The following ARPC5 variants were observed in gnomAD, a reference collection of about 807,000 sequenced individuals.
ARPC5 encodes the protein actin related protein 2/3 complex subunit 5.
In ARPC5, 5 loss-of-function variants were observed where a neutral mutation model predicts 15.4. The observed-to-expected ratio is 0.32, with a 90% CI of 0.17 to 0.68. The LOEUF is 0.68. Ranked by LOEUF, ARPC5 falls within the 30% of genes least tolerant of loss-of-function variation. ARPC5 has a pLI of 0.71. For synonymous variants in ARPC5, 85 were observed against 72.2 expected (o/e 1.18, Z -0.90); for missense variants, 138 against 192.8 (o/e 0.72, Z 1.68).
chr1:183,629,970 G>C (rs540933881), intron 3 of ARPC5, among the ~76,000 whole-genome samples: 1 of 152,248 alleles, frequency 6.6e-6, no homozygotes, highest in Non-Finnish European at 1.5e-5. Context: ...TTTCATATAA[G>C]TAAAATTATA....
Position 183,630,443 on chromosome 1 carries a change from T to A in ARPC5, c.393+18A>T, listed in dbSNP as rs753272358. ...TTGTAAAAGAACCAGTCATATAGAT[T>A]TATAATTCATAACTTACCTTTTCAT... On this transcript the variant is annotated intron_variant, in intron 3 of 3. Transcript: ENST00000359856. The A allele has an allele frequency of 1.3e-6, 2 of 1,573,850 alleles. No homozygotes were observed. The highest frequency in any genetic ancestry group is 1.2e-5 in the South Asian group (1 of 85,262).
At position 183,635,643 on chromosome 1, in the gene ARPC5, A is replaced by C; in HGVS notation, c.17T>G (p.Val6Gly). MSKNT[V>G]SSARFRKVDV... ...CACCTTCCGGAAGCGGGCCGACGACACTGTGTTCTTCGACATCCCAATCCC... is the reference window on the plus strand; with the variant it reads ...CACCTTCCGGAAGCGGGCCGACGACCCTGTGTTCTTCGACATCCCAATCCC... Residue 6 changes from valine (V) to glycine (G), a missense_variant, in exon 1 of 4, where the codon GTG becomes GGG. Transcript: ENST00000359856. 6.2e-7 allele frequency: 1 copy of C among 1,612,850 alleles called. No individual in the cohort carries two copies. Among genetic ancestry groups the C allele is most frequent in the Non-Finnish European group, 8.5e-7 (1 of 1,179,526 alleles).
intron 1 of ARPC5, chr1:183,633,433 T>A (rs1221962843): frequency 4.4e-6 from 1 of 227,752 alleles, no homozygotes; most frequent in African/African-American, 2.3e-5. Flanking sequence ...CCCAGTGAGA[T>A]ACATATGCAA....
chr1:183,624,657 GGATTAGTTCAAATTAAT>G lies in ARPC5; in HGVS notation c.*2858_*2874del, dbSNP rs1469773212. 2 of 152,044 alleles carry G rather than the reference GGATTAGTTCAAATTAAT, an allele frequency of 1.3e-5. No homozygotes were observed. Among genetic ancestry groups the G allele is most frequent in the African/African-American group, 4.8e-5 (2 of 41,316 alleles). 9.4% of individuals were successfully genotyped at this position (152,044 alleles called of 1,614,324 possible). ...CGTTTGTCCTTTCTGCCCCTCCAAA[GGATTAGTTCAAATTAAT>G]GTCTCACTTTAAATACTCTGATCCA... is the stretch of plus-strand genomic sequence containing the variant. On this transcript the variant is annotated 3_prime_UTR_variant, in exon 4 of 4. Coordinates refer to ENST00000359856, the MANE Select transcript of ARPC5 (RefSeq NM_005717.4).
Position 183,635,695 on chromosome 1 carries a change from C to T in ARPC5, c.-36G>A, listed in dbSNP as rs1157520894. ...ACCAGCGGCAAAGGCCTCTTCTTGG[C>T]GCTGCCTCTACCTCAGCAAGCCCAG... On this transcript the variant is annotated 5_prime_UTR_variant, in exon 1 of 4. Coordinates refer to ENST00000359856, the MANE Select transcript of ARPC5 (RefSeq NM_005717.4). The T allele has an allele frequency of 3.1e-6, 5 of 1,599,700 alleles. No homozygotes were observed. The highest frequency in any genetic ancestry group is 3.4e-5 in the Admixed American group (2 of 58,746).
rs1649039495 is a variant in ARPC5 at position 183,624,615 on chromosome 1, G to C, written c.*2917C>G. The C allele has an allele frequency of 6.6e-6, 1 of 152,308 alleles. No homozygotes were observed. The highest frequency in any genetic ancestry group is 2.1e-4 in the South Asian group (1 of 4,816). 9.4% of individuals were successfully genotyped at this position (152,308 alleles called of 1,614,324 possible). ...ACTTTTAACTTTCTCTTTCTACTCT[G>C]TTCATTTCACTTGGACCGTTTGTCC... On this transcript the variant is annotated 3_prime_UTR_variant, in exon 4 of 4. Transcript: ENST00000359856.
chr1:183,632,702 G>C (rs558277299), intron 2 of ARPC5: 1 of 157,104 alleles, frequency 6.4e-6, no homozygotes, highest in Non-Finnish European at 1.4e-5. Context: ...TCATATGTCT[G>C]AGCTTTCTAT....
Position 183,623,406 on chromosome 1 carries a change from G to A in ARPC5, c.*4126C>T. The stretch of plus-strand genomic sequence containing the variant: ...GGTGAAGTAGCACCACCTTGAGGCA[G>A]ATGACATGCTGTACCTCTGTGGGCT... On this transcript the variant is annotated 3_prime_UTR_variant, in exon 4 of 4. Transcript: ENST00000359856. 1.3e-6 allele frequency: 2 copies of A among 1,550,504 alleles called. No homozygotes were observed. Among genetic ancestry groups the A allele is most frequent in the Non-Finnish European group, 1.7e-6 (2 of 1,146,916 alleles).
chr1:183,633,735 T>G (rs1427029968), intron 1 of ARPC5: 1 of 150,728 alleles, frequency 6.6e-6, no homozygotes, highest in African/African-American at 2.5e-5. Flanking sequence ...CAGCTTAATT[T>G]TTTGCTTTAG....
intron 1 of ARPC5, among the ~76,000 whole-genome samples, chr1:183,634,717 A>G (rs1482322563): frequency 6.6e-6 from 1 of 152,200 alleles, no homozygotes; most frequent in Non-Finnish European, 1.5e-5. Context: ...CTTCTATCTT[A>G]TTCATTGGGG....
At position 183,625,969 on chromosome 1, in the gene ARPC5, T is replaced by C. The variant is rs1185108045; in HGVS notation, c.*1563A>G. Reference sequence around the variant, plus strand: ...TAGGTCTTTGGGCAGTGATACTACATATAGGTATTCAGCTGCCATCCAGAA... The same window carrying C: ...TAGGTCTTTGGGCAGTGATACTACACATAGGTATTCAGCTGCCATCCAGAA... On this transcript the variant is annotated 3_prime_UTR_variant, in exon 4 of 4. Transcript: ENST00000359856. The C allele has an allele frequency of 6.6e-6, 1 of 152,192 alleles. No individual in the cohort carries two copies. The highest frequency in any genetic ancestry group is 6.5e-5 in the Admixed American group (1 of 15,278). 9.4% of individuals were successfully genotyped at this position (152,192 alleles called of 1,614,324 possible).
At chr1:183,629,707 A>C (rs1649212483) in intron 3 of ARPC5, among the ~76,000 whole-genome samples, 1 of 152,230 alleles carries the variant, frequency 6.6e-6, no homozygotes. Context: ...CAAACTCCTA[A>C]TTCTTTAAAA....
Position 183,622,133 on chromosome 1 carries a change from T to C in ARPC5, c.*5399A>G, listed in dbSNP as rs1353513883. 1.3e-5 allele frequency: 2 copies of C among 152,192 alleles called. No individual in the cohort carries two copies. Among genetic ancestry groups the C allele is most frequent in the African/African-American group, 4.8e-5 (2 of 41,440 alleles). 9.4% of individuals were successfully genotyped at this position (152,192 alleles called of 1,614,324 possible). A position where few individuals can be genotyped will look rare whatever the true frequency, so the allele number is the denominator to read the frequency against. ...GTTAGTATTTATGTACACAAAGGGG[T>C]AAAATCTTATATAGGTATTTGCCTG... On this transcript the variant is annotated 3_prime_UTR_variant, in exon 4 of 4. Coordinates refer to ENST00000359856, the MANE Select transcript of ARPC5 (RefSeq NM_005717.4).
chr1:183,635,547 T>G lies in ARPC5; in HGVS notation c.113A>C (p.Asp38Ala). 1 of 1,612,972 alleles carries G rather than the reference T, an allele frequency of 6.2e-7. No homozygotes were observed. The highest frequency in any genetic ancestry group is 8.5e-7 in the Non-Finnish European group (1 of 1,179,700). Reference protein sequence around the residue: ...EDGGDGQAGPDEGEVDSCLRQ... With the variant: ...EDGGDGQAGPAEGEVDSCLRQ... ...CAGGCAGGAGTCCACCTCGCCCTCGTCGGGCCCGGCCTGGCCGTCGCCCCC... is the reference window on the plus strand; with the variant it reads ...CAGGCAGGAGTCCACCTCGCCCTCGGCGGGCCCGGCCTGGCCGTCGCCCCC... The change falls in exon 1 of 4, where the codon GAC becomes GCC. Residue 38 changes from aspartate (D) to alanine (A), a missense_variant. Physicochemically the swap from Asp to Ala is moderately radical, Grantham distance 126 (BLOSUM62 -2). Coordinates refer to ENST00000359856, the MANE Select transcript of ARPC5 (RefSeq NM_005717.4).
chr1:183,623,545 G>T lies in ARPC5; in HGVS notation c.*3987C>A. On this transcript the variant is annotated 3_prime_UTR_variant, in exon 4 of 4. Coordinates refer to ENST00000359856, the MANE Select transcript of ARPC5 (RefSeq NM_005717.4). ...CATTGGGGTGAGGGGGAGAGGGAGT[G>T]GGGCAGAGGTCCCGCGGCAGGAATA... is the stretch of plus-strand genomic sequence containing the variant. 1 of 1,547,496 alleles carries T rather than the reference G, an allele frequency of 6.5e-7. No individual in the cohort carries two copies. Among genetic ancestry groups the T allele is most frequent in the Non-Finnish European group, 8.7e-7 (1 of 1,144,716 alleles).
At chr1:183,630,802 G>A (rs1387127783) in intron 2 of ARPC5, 165 bp from the exon 3 acceptor site, 2 of 615,830 alleles carry the variant, frequency 3.2e-6, no homozygotes, top group African/African-American at 3.7e-5. Flanking sequence ...GGAAAGAACA[G>A]TGCTATTAGT....
rs1649002248 is a variant in ARPC5, at chr1:183,623,671, T to A, written c.*3861A>T. On this transcript the variant is annotated 3_prime_UTR_variant, in exon 4 of 4. Coordinates refer to ENST00000359856, the MANE Select transcript of ARPC5 (RefSeq NM_005717.4). The stretch of plus-strand genomic sequence containing the variant: ...TTCAATTATTTTGGTGCTTTTAACA[T>A]ATTTTGTCTGTAAGGGGATGTTAGT... 1.5e-6 allele frequency: 1 copy of A among 653,672 alleles called. No individual in the cohort carries two copies. The highest frequency in any genetic ancestry group is 2.6e-6 in the Non-Finnish European group (1 of 387,608). The allele number at this position is 653,672 out of a possible 1,614,324, so 40.5% of individuals were successfully genotyped here.
chr1:183,625,732 T>C lies in ARPC5; in HGVS notation c.*1800A>G, dbSNP rs1468471559. On this transcript the variant is annotated 3_prime_UTR_variant, in exon 4 of 4. Transcript: ENST00000359856. ...CCCATCTCTAAGTAATATTTAAGAATAATACCTATTGCTTAGCTTATCTTC... is the reference window on the plus strand; with the variant it reads ...CCCATCTCTAAGTAATATTTAAGAACAATACCTATTGCTTAGCTTATCTTC... 1 of 152,222 alleles carries C rather than the reference T, an allele frequency of 6.6e-6. No individual in the cohort carries two copies. Among genetic ancestry groups the C allele is most frequent in the African/African-American group, 2.4e-5 (1 of 41,442 alleles). 9.4% of individuals were successfully genotyped at this position (152,222 alleles called of 1,614,324 possible). A position where few individuals can be genotyped will look rare whatever the true frequency, so the allele number is the denominator to read the frequency against.
rs1035412580 is a variant in ARPC5 at position 183,622,018 on chromosome 1, A to G, written c.*5514T>C. On this transcript the variant is annotated 3_prime_UTR_variant, in exon 4 of 4. Transcript: ENST00000359856. ...TCTGGTTCAAATGCCTCTGAAGGGA[A>G]TAAGGAAGTTCTTTATGTATTGATA... 1 of 152,206 alleles carries G rather than the reference A, an allele frequency of 6.6e-6. No homozygotes were observed. The highest frequency in any genetic ancestry group is 2.4e-5 in the African/African-American group (1 of 41,450). The allele number at this position is 152,206 out of a possible 1,614,324, so 9.4% of individuals were successfully genotyped here.
Sources: gnomAD v4.1 joint callset for allele counts (sites outside exome capture counted in the v4.1 genomes callset) on GRCh38, gnomAD v4.1.1 for gene constraint, MANE v1.5 for transcripts, NCBI Gene and HGNC (gene_info 2026-07-23, HGNC 2026-07-21) for gene names.